ABCD3: variants seen among roughly 807,000 people sequenced by gnomAD.
ABCD3 encodes the protein ATP-binding cassette sub-family D member 3.
Under a neutral mutation model 105.5 loss-of-function variants are expected in ABCD3, and 41 were observed. That is an observed-to-expected ratio of 0.39 (90% CI 0.30 to 0.50). The LOEUF (loss-of-function observed/expected upper bound fraction) is 0.50. Among genes scored for constraint, ABCD3 ranks in the 20% least tolerant of loss-of-function variants. The probability of loss-of-function intolerance (pLI) is 0.84; values close to 1 mark genes in which losing one functional copy is unlikely to be tolerated. For synonymous variants in ABCD3, 258 were observed against 269.0 expected (o/e 0.96, Z 0.40); for missense variants, 622 against 806.3 (o/e 0.77, Z 2.77).
At chr1:94,456,763 C>T (rs529926289) in intron 1 of ABCD3, among the ~76,000 whole-genome samples, 1 of 151,962 alleles carries the variant, frequency 6.6e-6, no homozygotes, top group South Asian at 2.1e-4. Context: ...GGATCTATAC[C>T]CAGAAGTGGG....
intron 5 of ABCD3, 125 bp from the exon 6 acceptor site, chr1:94,475,018 T>C (rs1648667353): frequency 4.5e-6 from 3 of 672,262 alleles, no homozygotes; most frequent in Non-Finnish European, 7.9e-6. Context: ...AACTGAATTA[T>C]ATAAATTTGG....
rs111275724 is a variant in ABCD3 at position 94,483,353 on chromosome 1, A to G, written c.897+114A>G. 8.9e-5 allele frequency: 67 copies of G among 753,124 alleles called. No homozygotes were observed. In the African/African-American group the frequency reaches 1.0e-3, roughly 12 times the overall value. 46.7% of individuals were successfully genotyped at this position (753,124 alleles called of 1,614,324 possible). A position where few individuals can be genotyped will look rare whatever the true frequency, so the allele number is the denominator to read the frequency against. On this transcript the variant is annotated intron_variant, in intron 10 of 22. Transcript: ENST00000370214. ...CACACAAACACACACGTATGTATAC[A>G]TATCTTAAAGATTTTTTGAAAAATA...
intron 7 of ABCD3, 144 bp downstream of exon 7, chr1:94,475,881 A>G: frequency 1.5e-6 from 1 of 670,828 alleles, no homozygotes; most frequent in South Asian, 2.5e-5. Context: ...AGTTGTTGTA[A>G]TAGTTTTAAT....
the ABCD3 span, among the ~76,000 whole-genome samples, chr1:94,385,670 C>A: frequency 1.3e-5 from 2 of 152,210 alleles, no homozygotes; most frequent in Non-Finnish European, 2.9e-5. Flanking sequence ...CGTAGCTAAT[C>A]TTCCAAAGAA....
chr1:94,480,148 T>C (rs973716913), intron 8 of ABCD3: 1 of 334,880 alleles, frequency 3.0e-6, no homozygotes, highest in African/African-American at 2.1e-5. Flanking sequence ...CTTAAGAGAT[T>C]ATCAAGAAGA....
intron 4 of ABCD3, among the ~76,000 whole-genome samples, chr1:94,472,885 A>G (rs1648554992): frequency 6.6e-6 from 1 of 152,200 alleles, no homozygotes; most frequent in Non-Finnish European, 1.5e-5. Flanking sequence ...TTCTGTGATC[A>G]AATACATACT....
rs1407726807 is a variant in ABCD3, at chr1:94,498,610, T to C, written c.1395T>C (p.Ser465=). The C allele has an allele frequency of 6.2e-7, 1 of 1,613,524 alleles. No homozygotes were observed. The highest frequency in any genetic ancestry group is 1.7e-5 in the Admixed American group (1 of 59,942). The stretch of plus-strand genomic sequence containing the variant: ...TTTTTTTTTTTTTTCAGGTTCGATC[T>C]GGGGCTAATGTTCTAATTTGTGGTC... ...LIRDLNFEVR[S]GANVLICGPN... is the part of the protein sequence containing the mutation. Residue 465 remains serine, a synonymous_variant, in exon 17 of 23, where the codon TCT becomes TCC. Coordinates refer to ENST00000370214, the MANE Select transcript of ABCD3 (RefSeq NM_002858.4).
In ABCD3 at chr1:94,499,547, A is replaced by G. The variant is rs779472020; in HGVS notation, c.1673A>G (p.Glu558Gly). The G allele has an allele frequency of 1.2e-6, 2 of 1,613,740 alleles. No individual in the cohort carries two copies. Among genetic ancestry groups the G allele is most frequent in the South Asian group, 2.2e-5 (2 of 91,080 alleles). Residue 558 changes from glutamate (E) to glycine (G), a missense_variant, in exon 20 of 23, where the codon GAA becomes GGA. Physicochemically the swap from Glu to Gly is moderately conservative, Grantham distance 98. Around this residue, in one of 4 missense-constraint regions of ABCD3, gnomAD observed 285 missense variants for 352.5 expected, o/e 0.81. Coordinates refer to ENST00000370214, the MANE Select transcript of ABCD3 (RefSeq NM_002858.4). ...NVQLGHILER[E>G]GGWDSVQDWM... ...CAGTTGGGTCATATCCTTGAACGTG[A>G]AGGAGGCTGGGACAGTGTTCAGGAT...
chr1:94,431,908 G>T (rs1659698476), intron 1 of ABCD3, among the ~76,000 whole-genome samples: 1 of 152,132 alleles, frequency 6.6e-6, no homozygotes, highest in Non-Finnish European at 1.5e-5. Flanking sequence ...CATCAACAGT[G>T]CCCAAGATAT....
intron 1 of ABCD3, among the ~76,000 whole-genome samples, chr1:94,428,331 T>C (rs1285416819): frequency 1.3e-5 from 2 of 152,224 alleles, no homozygotes; most frequent in African/African-American, 4.8e-5. Context: ...ATTTACTCTA[T>C]GCTTAAATTA....
intron 1 of ABCD3, among the ~76,000 whole-genome samples, chr1:94,437,999 G>C (rs1659967012): frequency 1.3e-5 from 2 of 152,064 alleles, no homozygotes; most frequent in South Asian, 4.1e-4. Flanking sequence ...AATAAAACTT[G>C]AAAGGATGGC....
In ABCD3 at chr1:94,493,196, A is replaced by G. The variant is rs374060101; in HGVS notation, c.1386+1949A>G. Reference sequence around the variant, plus strand: ...GGGAGAAAATTTTCGCAACCTACTCATCTGACAAAGGGCTAATATCCAGAA... The same window carrying G: ...GGGAGAAAATTTTCGCAACCTACTCGTCTGACAAAGGGCTAATATCCAGAA... On this transcript the variant is annotated intron_variant, in intron 16 of 22. Transcript: ENST00000370214. 6.3e-4 allele frequency among the ~76,000 whole-genome samples: 96 copies of G among 152,092 alleles called. No individual in the cohort carries two copies. The East Asian group carries it at 0.013, about 20-fold the overall frequency.
At chr1:94,400,582 C>G in the ABCD3 span, among the ~76,000 whole-genome samples, 1 of 152,108 alleles carries the variant, frequency 6.6e-6, no homozygotes, top group Non-Finnish European at 1.5e-5. Context: ...AGCAGGAGAA[C>G]AGCAGTGCCA....
chr1:94,514,072 T>C (rs1398605026), intron 21 of ABCD3: 2 of 152,036 alleles, frequency 1.3e-5, no homozygotes, highest in South Asian at 2.1e-4. Flanking sequence ...TTAAAAATTA[T>C]CATCAAAATG....
At chr1:94,475,561 T>G in intron 6 of ABCD3, 53 bp from the exon 7 acceptor site, 2 of 1,569,402 alleles carry the variant, frequency 1.3e-6, no homozygotes, top group Non-Finnish European at 1.8e-6. Context: ...TTTGTTGTTG[T>G]TTTATCTTTA....
intron 22 of ABCD3, among the ~76,000 whole-genome samples, chr1:94,515,834 C>CCCTTCCTTTCTT (rs935519745): frequency 6.7e-6 from 1 of 150,164 alleles, no homozygotes; most frequent in Non-Finnish European, 1.5e-5. Flanking sequence ...CTCCCTCCCT[C>CCCTTCCTTTCTT]CCTTCCTTTC....
rs1180888354 is a variant in ABCD3 at position 94,418,506 on chromosome 1, G to A, written c.28G>A (p.Ala10Thr). 2 of 1,605,362 alleles carry A rather than the reference G, an allele frequency of 1.2e-6. No homozygotes were observed. The highest frequency in any genetic ancestry group is 1.1e-5 in the South Asian group (1 of 90,810). ...GGCGGCCTTCAGCAAGTACTTGACGGCGCGAAACTCCTCGCTGGCTGGTGC... is the reference window on the plus strand; with the variant it reads ...GGCGGCCTTCAGCAAGTACTTGACGACGCGAAACTCCTCGCTGGCTGGTGC... MAAFSKYLT[A>T]RNSSLAGAAF... The change falls in exon 1 of 23, where the codon GCG becomes ACG. Residue 10 changes from alanine (A) to threonine (T), a missense_variant. This residue lies in a region of ABCD3 where 89 missense variants were observed against 77.5 expected (regional missense o/e 1.15). Transcript: ENST00000370214.
chr1:94,395,428 C>T, the ABCD3 span, among the ~76,000 whole-genome samples: 5 of 152,226 alleles, frequency 3.3e-5, no homozygotes, highest in East Asian at 3.9e-4. Flanking sequence ...TTACTGAAAC[C>T]GGTGAGAGCT....
intron 1 of ABCD3, among the ~76,000 whole-genome samples, chr1:94,433,627 A>ATT (rs1659777058): frequency 2.4e-5 from 3 of 127,196 alleles, no homozygotes; most frequent in South Asian, 5.1e-4. Flanking sequence ...CACAATGGTC[A>ATT]GTTTTTTTTT....
Sources: allele counts gnomAD v4.1 joint callset (sites outside exome capture counted in the v4.1 genomes callset), GRCh38; gene constraint gnomAD v4.1.1; regional missense constraint gnomAD v4.1.1; transcripts MANE v1.5; gene names NCBI Gene and HGNC (gene_info 2026-07-23, HGNC 2026-07-21).